The following CCNJL variants were observed in gnomAD, a reference collection of about 807,000 sequenced individuals.
The protein encoded by CCNJL is cyclin J like.
CCNJL carries 33 observed loss-of-function variants against 33.4 expected under a neutral mutation model. The ratio of observed to expected loss-of-function variants is 0.99; its 90% confidence interval spans 0.75 to 1.32. CCNJL has a LOEUF of 1.32. Among genes scored for constraint, CCNJL ranks in the 40% most tolerant of loss-of-function variants. The pLI, the probability that CCNJL is intolerant of heterozygous loss-of-function variation, is 0.00. For synonymous variants in CCNJL, 227 were observed against 220.9 expected (o/e 1.03, Z -0.24); for missense variants, 512 against 499.7 (o/e 1.02, Z -0.23).
At chr5:160,330,863 C>CA (rs556787190) in intron 1 of CCNJL, among the ~76,000 whole-genome samples, 56 of 152,212 alleles carry the variant, frequency 3.7e-4, no homozygotes, top group African/African-American at 1.3e-3. Context: ...GGGGTTTCAC[C>CA]ATGTTGGCCG....
intron 1 of CCNJL, among the ~76,000 whole-genome samples, chr5:160,331,364 C>T (rs1763605943): frequency 6.6e-6 from 1 of 152,076 alleles, no homozygotes; most frequent in East Asian, 1.9e-4. Flanking sequence ...GCTGGGACTA[C>T]AGGTGCCCAC....
intron 1 of CCNJL, among the ~76,000 whole-genome samples, chr5:160,322,472 T>A (rs1050863423): frequency 4.6e-5 from 7 of 152,304 alleles, no homozygotes; most frequent in Middle Eastern, 3.4e-3. Context: ...ATATGATGCC[T>A]GGTATATAAA....
intron 2 of CCNJL, among the ~76,000 whole-genome samples, chr5:160,288,779 G>A (rs576623660): frequency 2.9e-4 from 43 of 147,756 alleles, no homozygotes; most frequent in Non-Finnish European, 3.0e-4. Context: ...TGCAGTGAAT[G>A]GACATCGTGC....
chr5:160,339,419 A>G (rs770272813), intron 1 of CCNJL: 11 of 431,960 alleles, frequency 2.5e-5, no homozygotes, highest in Non-Finnish European at 4.7e-5. Context: ...ACGTTCTTCA[A>G]TTTAAATACA....
chr5:160,335,758 T>C (rs1033803544), intron 1 of CCNJL, among the ~76,000 whole-genome samples: 9 of 151,618 alleles, frequency 5.9e-5, no homozygotes, highest in African/African-American at 2.2e-4. Context: ...AATTTTTTTT[T>C]TTTTTTGTAG....
intron 2 of CCNJL, among the ~76,000 whole-genome samples, chr5:160,302,107 CACTTA>C (rs1762943171): frequency 6.6e-6 from 1 of 152,170 alleles, no homozygotes; most frequent in South Asian, 2.1e-4. Flanking sequence ...ACGGTATATT[CACTTA>C]AGATCTGTAT....
chr5:160,266,090 G>A (rs548365091), intron 3 of CCNJL, among the ~76,000 whole-genome samples: 22 of 152,230 alleles, frequency 1.4e-4, no homozygotes, highest in Non-Finnish European at 2.6e-4. Context: ...GTGCTGGCGG[G>A]TCAGAGGGAT....
At chr5:160,310,702 G>A (rs1763233597) in intron 2 of CCNJL, among the ~76,000 whole-genome samples, 2 of 152,164 alleles carry the variant, frequency 1.3e-5, no homozygotes, top group Admixed American at 1.3e-4. Context: ...ACATCACATT[G>A]GATTAGGGTG....
chr5:160,305,345 C>T lies in CCNJL; in HGVS notation c.66+6513G>A, dbSNP rs188736004. 8.4e-3 allele frequency among the ~76,000 whole-genome samples: 1,274 copies of T among 152,242 alleles called. 22 individuals are homozygous for T. Among genetic ancestry groups the T allele is most frequent in the Non-Finnish European group, 7.6e-3 (520 of 68,028 alleles). On this transcript the variant is annotated intron_variant, in intron 2 of 5. Transcript: ENST00000257536. The stretch of plus-strand genomic sequence containing the variant: ...TGTCAGAGTTCGGCAAGCGGGGGGG[C>T]CCTGAGGTGTCCTTTTCCCTGGCAA...
At chr5:160,290,851 T>C (rs1241811487) in intron 2 of CCNJL, among the ~76,000 whole-genome samples, 1 of 152,006 alleles carries the variant, frequency 6.6e-6, no homozygotes, top group African/African-American at 2.4e-5. Flanking sequence ...TCTTAGGTTG[T>C]ATAAACCTAT....
intron 4 of CCNJL, among the ~76,000 whole-genome samples, chr5:160,256,262 G>A (rs1053517383): frequency 6.6e-6 from 1 of 152,156 alleles, no homozygotes; most frequent in Non-Finnish European, 1.5e-5. Flanking sequence ...GGAGCAGCAA[G>A]GAGCTTGCTG....
intron 4 of CCNJL, chr5:160,258,213 G>C (rs1761155038): frequency 1.7e-6 from 1 of 587,114 alleles, no homozygotes; most frequent in Admixed American, 2.5e-5. Context: ...TGTATCAACA[G>C]TATTTTTTTT....
At chr5:160,318,006 TTTC>T (rs1236933770) in intron 1 of CCNJL, among the ~76,000 whole-genome samples, 1 of 151,770 alleles carries the variant, frequency 6.6e-6, no homozygotes, top group Non-Finnish European at 1.5e-5. Context: ...TAGTCTTCTT[TTTC>T]TTCTTCTTTT....
chr5:160,278,699 G>A (rs576662648), intron 3 of CCNJL, among the ~76,000 whole-genome samples: 1 of 152,210 alleles, frequency 6.6e-6, no homozygotes, highest in Non-Finnish European at 1.5e-5. Flanking sequence ...TCCCCAGACA[G>A]ACACTCGGGG....
intron 1 of CCNJL, among the ~76,000 whole-genome samples, chr5:160,321,012 C>CTTTCTT (rs1554124992): frequency 1.5e-4 from 11 of 71,990 alleles, no homozygotes; most frequent in South Asian, 5.1e-4. Flanking sequence ...CTCTCTCTCT[C>CTTTCTT]TCTTTCTTTC....
intron 1 of CCNJL, among the ~76,000 whole-genome samples, chr5:160,328,699 G>T (rs995699873): frequency 6.7e-6 from 1 of 148,596 alleles, no homozygotes; most frequent in Non-Finnish European, 1.5e-5. Flanking sequence ...GTGAAACCCC[G>T]TCTCTATTAA....
upstream of CCNJL, among the ~76,000 whole-genome samples, chr5:160,317,049 ATGAAGCC>A (rs1376974937): frequency 6.6e-6 from 1 of 152,246 alleles, no homozygotes; most frequent in East Asian, 1.9e-4. Context: ...GACCAAAAGC[ATGAAGCC>A]TGGCTCAGTT....
At chr5:160,258,212 A>C (rs1761154349) in intron 4 of CCNJL, 1 of 592,640 alleles carries the variant, frequency 1.7e-6, no homozygotes, top group South Asian at 1.8e-5. Context: ...TTGTATCAAC[A>C]GTATTTTTTT....
chr5:160,269,612 G>A (rs562592071), intron 3 of CCNJL: 45 of 392,642 alleles, frequency 1.1e-4, no homozygotes, highest in African/African-American at 8.4e-4. Flanking sequence ...GTTCAGAGGG[G>A]AGATGCTTCC....
Sources: gnomAD v4.1 joint callset for allele counts (sites outside exome capture counted in the v4.1 genomes callset) on GRCh38, gnomAD v4.1.1 for gene constraint, MANE v1.5 for transcripts, NCBI Gene and HGNC (gene_info 2026-07-23, HGNC 2026-07-21) for gene names.